Variants in RALA observed in about 807,000 individuals in gnomAD.
The protein encoded by RALA is ras-related protein Ral-A.
A neutral mutation model predicts 24.0 loss-of-function variants in RALA; 5 were observed. The observed-to-expected ratio is 0.21, with a 90% CI of 0.11 to 0.44. The LOEUF (loss-of-function observed/expected upper bound fraction) is 0.44, where lower values mean the gene tolerates loss of function less well. Ranked by LOEUF, RALA falls within the 20% of genes least tolerant of loss-of-function variation. The probability of loss-of-function intolerance (pLI) is 0.99; values close to 1 mark genes in which losing one functional copy is unlikely to be tolerated. For synonymous variants in RALA, 77 were observed against 83.8 expected, an observed-to-expected ratio of 0.92 and a Z score of 0.44; for missense variants, 95 against 241.2, an observed-to-expected ratio of 0.39 and a Z score of 4.01.
intron 1 of RALA, among the ~76,000 whole-genome samples, chr7:39,686,205 C>CAAAA (rs35214885): frequency 3.2e-5 from 3 of 93,110 alleles, no homozygotes; most frequent in African/African-American, 4.2e-5. Context: ...GACTCCGTCT[C>CAAAA]AAAAAAAAAA....
chr7:39,699,839 T>C (rs1304455776), intron 4 of RALA, among the ~76,000 whole-genome samples: 1 of 152,242 alleles, frequency 6.6e-6, no homozygotes. Flanking sequence ...CTTTTTGCCA[T>C]ATTCATGGAC....
chr7:39,707,530 G>A lies in RALA; in HGVS notation c.*1285G>A, dbSNP rs1314037313. On this transcript the variant is annotated 3_prime_UTR_variant, in exon 5 of 5. Coordinates refer to ENST00000005257, the MANE Select transcript of RALA (RefSeq NM_005402.4). ...CATTAGGCTGTGTCACCATTGTGTG[G>A]TGTACCTGCTGGAAGAATTCTAGCA... 4 of 152,086 alleles carry A rather than the reference G, an allele frequency of 2.6e-5. No homozygotes were observed. The highest frequency in any genetic ancestry group is 4.4e-5 in the Non-Finnish European group (3 of 68,034). 9.4% of individuals were successfully genotyped at this position (152,086 alleles called of 1,614,324 possible). A position where few individuals can be genotyped will look rare whatever the true frequency, so the allele number is the denominator to read the frequency against.
intron 1 of RALA, among the ~76,000 whole-genome samples, chr7:39,628,910 A>G (rs1360152091): frequency 6.6e-6 from 1 of 152,236 alleles, no homozygotes. Context: ...GTATCTCCTA[A>G]CAAGTCAGTA....
intron 3 of RALA, among the ~76,000 whole-genome samples, chr7:39,693,233 C>A (rs1009161856): frequency 1.3e-5 from 2 of 152,238 alleles, no homozygotes; most frequent in Non-Finnish European, 2.9e-5. Context: ...GAATACTATG[C>A]AGCCATAAAA....
intron 1 of RALA, among the ~76,000 whole-genome samples, chr7:39,631,870 G>T (rs950135911): frequency 6.6e-6 from 1 of 152,194 alleles, no homozygotes; most frequent in Non-Finnish European, 1.5e-5. Flanking sequence ...AAAGGAAAGA[G>T]ATTTGTTTGG....
At chr7:39,697,542 G>A (rs897825558) in intron 4 of RALA, 1 of 436,104 alleles carries the variant, frequency 2.3e-6, no homozygotes, top group South Asian at 1.6e-5. Flanking sequence ...CTCCAAGTGG[G>A]GTCTTTCTTC....
chr7:39,698,937 T>A (rs991504243), intron 4 of RALA, among the ~76,000 whole-genome samples: 1 of 152,002 alleles, frequency 6.6e-6, no homozygotes, highest in Non-Finnish European at 1.5e-5. Context: ...AGTACAACTT[T>A]AAAATATAGT....
Position 39,636,307 on chromosome 7 carries a change from A to G in RALA, c.-38+12482A>G, listed in dbSNP as rs77637469. 4.0e-3 allele frequency among the ~76,000 whole-genome samples: 609 copies of G among 152,290 alleles called. 1 individual carries two copies. The highest frequency in any genetic ancestry group is 0.014 in the African/African-American group (570 of 41,558). On this transcript the variant is annotated intron_variant, in intron 1 of 4. Coordinates refer to ENST00000005257, the MANE Select transcript of RALA (RefSeq NM_005402.4). ...GCCAAACTTCTAAAGCAGCTGCACC[A>G]TTTTACATCCCCACTGGAAGCGTAT... is the stretch of plus-strand genomic sequence containing the variant.
chr7:39,627,608 A>G (rs1223074694), intron 1 of RALA, among the ~76,000 whole-genome samples: 1 of 152,206 alleles, frequency 6.6e-6, no homozygotes, highest in African/African-American at 2.4e-5. Context: ...AAGATCCCCC[A>G]GTTTCCAAAA....
At chr7:39,640,643 A>C (rs1185430337) in intron 1 of RALA, among the ~76,000 whole-genome samples, 1 of 152,160 alleles carries the variant, frequency 6.6e-6, no homozygotes, top group Non-Finnish European at 1.5e-5. Context: ...CTAATTTCCC[A>C]TGAGACTTTC....
chr7:39,672,407 G>T (rs1242282020), intron 1 of RALA, among the ~76,000 whole-genome samples: 1 of 152,158 alleles, frequency 6.6e-6, no homozygotes, highest in Non-Finnish European at 1.5e-5. Context: ...GTGCCAGGAT[G>T]TGAAAGCAAC....
Position 39,686,714 on chromosome 7 carries a change from A to G in RALA, c.47A>G (p.Lys16Arg), listed in dbSNP as rs761038297. ...PKGQNSLALH[K>R]VIMVGSGGVG... is the part of the protein sequence containing the mutation. ...GGTCAGAATTCTTTGGCTTTACACA[A>G]AGTCATCATGGTGGGCAGTGGTGGC... The change falls in exon 2 of 5, where the codon AAA (lysine) becomes AGA (arginine). Residue 16 changes from lysine (K) to arginine (R), a missense_variant. Physicochemically the swap from Lys to Arg is conservative, Grantham distance 26. Transcript: ENST00000005257. The G allele has an allele frequency of 6.2e-7, 1 of 1,614,098 alleles. No homozygotes were observed. Among genetic ancestry groups the G allele is most frequent in the Non-Finnish European group, 8.5e-7 (1 of 1,180,014 alleles).
In RALA at chr7:39,654,418, A is replaced by G. The variant is rs181031914; in HGVS notation, c.-38+30593A>G. On this transcript the variant is annotated intron_variant, in intron 1 of 4. Transcript: ENST00000005257. The stretch of plus-strand genomic sequence containing the variant: ...AATAAGTAATTGGAAAGATCTTGCT[A>G]GTGAGCCAAATCTGCCTCTTTTTGT... Among the ~76,000 whole-genome samples, 322 of 152,326 alleles carry G rather than the reference A, an allele frequency of 2.1e-3. 1 individual carries two copies. Among genetic ancestry groups the G allele is most frequent in the Non-Finnish European group, 3.3e-3 (227 of 68,032 alleles).
intron 2 of RALA, among the ~76,000 whole-genome samples, 199 bp downstream of exon 2, chr7:39,686,980 T>A (rs924971479): frequency 2.6e-5 from 4 of 152,206 alleles, no homozygotes; most frequent in African/African-American, 9.6e-5. Context: ...AACCTCAGGC[T>A]TTAAAAACAA....
chr7:39,643,643 G>A (rs564215006), intron 1 of RALA, among the ~76,000 whole-genome samples: 1 of 152,086 alleles, frequency 6.6e-6, no homozygotes, highest in African/African-American at 2.4e-5. Context: ...ATCACTTGAG[G>A]TCAGGAGTTC....
chr7:39,680,341 A>C (rs890778167), intron 1 of RALA, among the ~76,000 whole-genome samples: 23 of 151,476 alleles, frequency 1.5e-4, no homozygotes, highest in African/African-American at 5.3e-4. Flanking sequence ...GCACCATTGC[A>C]CTCCAGCCTG....
Position 39,706,372 on chromosome 7 carries a change from A to G in RALA, c.*127A>G. 2 of 1,036,204 alleles carry G rather than the reference A, an allele frequency of 1.9e-6. No homozygotes were observed. Among genetic ancestry groups the G allele is most frequent in the Non-Finnish European group, 2.8e-6 (2 of 706,382 alleles). 64.2% of individuals were successfully genotyped at this position (1,036,204 alleles called of 1,614,324 possible). On this transcript the variant is annotated 3_prime_UTR_variant, in exon 5 of 5. Transcript: ENST00000005257. ...GAAATTGTTGTATATCACTAAAAGC[A>G]TGAATTGGAACTGCAATGAAAGTCA...
At chr7:39,681,226 A>G (rs1792592854) in intron 1 of RALA, among the ~76,000 whole-genome samples, 2 of 143,826 alleles carry the variant, frequency 1.4e-5, no homozygotes, top group African/African-American at 2.6e-5. Context: ...TTATGATTGC[A>G]TTTCTCCATT....
Position 39,706,893 on chromosome 7 carries a change from T to TA in RALA, c.*649dup, listed in dbSNP as rs1220903054. On this transcript the variant is annotated 3_prime_UTR_variant, in exon 5 of 5. Transcript: ENST00000005257. ...GGTTATATCATTCTGGGTGTGTTCT[T>TA]ACTGACACCAGGGGTCCGCTGCCCC... 1 of 152,672 alleles carries TA rather than the reference T, an allele frequency of 6.5e-6. No homozygotes were observed. The highest frequency in any genetic ancestry group is 2.4e-5 in the African/African-American group (1 of 41,446). 9.5% of individuals were successfully genotyped at this position (152,672 alleles called of 1,614,324 possible).
Sources: allele counts gnomAD v4.1 joint callset (sites outside exome capture counted in the v4.1 genomes callset), GRCh38; gene constraint gnomAD v4.1.1; transcripts MANE v1.5; gene names NCBI Gene and HGNC (gene_info 2026-07-23, HGNC 2026-07-21).